Variants in NCKAP5 observed in about 807,000 individuals in gnomAD.
NCKAP5 encodes NCK associated protein 5.
NCKAP5 carries 92 observed loss-of-function variants against 167.0 expected under a neutral mutation model. The ratio of observed to expected loss-of-function variants is 0.55; its 90% CI spans 0.47 to 0.66. NCKAP5 has a LOEUF of 0.66. NCKAP5 is among the 30% of genes least tolerant of loss of function. The pLI is 0.00. For missense variants in NCKAP5, 2,378 were observed against 2,315.0 expected (o/e 1.03, Z -0.56); for synonymous variants, 891 against 877.4 (o/e 1.02, Z -0.27).
the NCKAP5 span, among the ~76,000 whole-genome samples, chr2:133,581,022 G>T: frequency 6.6e-6 from 1 of 151,940 alleles, no homozygotes; most frequent in African/African-American, 2.4e-5. Context: ...TTTTTAATAT[G>T]ACTTAAGTAA....
chr2:133,343,250 C>T lies in NCKAP5; in HGVS notation c.70-40140G>A, dbSNP rs112929990. On this transcript the variant is annotated intron_variant, in intron 3 of 19. Transcript: ENST00000409261. ...TGCAATGTGATGTAGTATCAGCATA[C>T]TATTCATTGCATATGTTTCCCAGGG... Among the ~76,000 whole-genome samples, 155 of 152,198 alleles carry T rather than the reference C, an allele frequency of 1.0e-3. 2 individuals are homozygous for T. The highest frequency in any genetic ancestry group is 3.6e-3 in the African/African-American group (149 of 41,520).
chr2:132,987,130 A>G (rs964918887), intron 7 of NCKAP5, among the ~76,000 whole-genome samples: 1 of 152,288 alleles, frequency 6.6e-6, no homozygotes, highest in South Asian at 2.1e-4. Flanking sequence ...CAGCCACTAG[A>G]CCACCCTGTA....
intron 8 of NCKAP5, among the ~76,000 whole-genome samples, chr2:132,937,963 ATACAT>A: frequency 6.6e-6 from 1 of 152,344 alleles, no homozygotes; most frequent in African/African-American, 2.4e-5. Context: ...GGACCCTCTG[ATACAT>A]TACATGTTGA....
intron 4 of NCKAP5, among the ~76,000 whole-genome samples, chr2:133,258,708 T>C (rs767227891): frequency 1.8e-4 from 27 of 151,100 alleles, no homozygotes; most frequent in Non-Finnish European, 3.7e-4. Context: ...ATTGTGCCAC[T>C]GCATTTTAGC....
chr2:133,458,762 A>G (rs2151222944), intron 3 of NCKAP5, among the ~76,000 whole-genome samples: 1 of 152,310 alleles, frequency 6.6e-6, no homozygotes, highest in African/African-American at 2.4e-5. Context: ...GGGGATGAAG[A>G]GGAGGCTGAT....
In NCKAP5 at chr2:132,785,553, C is replaced by T; in HGVS notation, c.1258G>A (p.Val420Met). 1 of 1,602,796 alleles carries T rather than the reference C, an allele frequency of 6.2e-7. No homozygotes were observed. The highest frequency in any genetic ancestry group is 8.5e-7 in the Non-Finnish European group (1 of 1,174,618). The stretch of plus-strand genomic sequence containing the variant: ...TCTTTATAACCCCATTTGGTTATCA[C>T]TGATGGGGGTTCAAGTAACACTTTT... ...KRKVLLEPPS[V>M]ITKWGYKDCM... is the part of the protein sequence containing the mutation. Residue 420 changes from valine (V) to methionine (M), a missense_variant, in exon 14 of 20, where the codon GTG (valine) becomes ATG (methionine). Physicochemically the swap from Val to Met is conservative, Grantham distance 21 (BLOSUM62 1). This residue lies in a region of NCKAP5 where 1,049 missense variants were observed against 1,023.4 expected (regional missense o/e 1.02). Transcript: ENST00000409261.
intron 4 of NCKAP5, among the ~76,000 whole-genome samples, chr2:133,215,317 C>A (rs1202990208): frequency 2.0e-5 from 3 of 152,178 alleles, no homozygotes; most frequent in East Asian, 1.9e-4. Context: ...TGAATGAATT[C>A]TGTTTTAATA....
chr2:133,261,655 T>C (rs1231612586), intron 4 of NCKAP5, among the ~76,000 whole-genome samples: 2 of 152,220 alleles, frequency 1.3e-5, no homozygotes, highest in African/African-American at 4.8e-5. Flanking sequence ...AAGCATTTGA[T>C]GAATTTAATG....
rs1168073956 is a variant in NCKAP5 at position 133,053,258 on chromosome 2, G to C, written c.342-59019C>G. Among the ~76,000 whole-genome samples the C allele has an allele frequency of 3.3e-5, 5 of 152,248 alleles. No individual in the cohort carries two copies. The East Asian group carries it at 9.7e-4, about 29-fold the overall frequency. ...CCAATAGCTTTAGTTTTCATGATTA[G>C]AATAACACTGTCCAGAAAGAAAGAT... On this transcript the variant is annotated intron_variant, in intron 6 of 19. Coordinates refer to ENST00000409261, the MANE Select transcript of NCKAP5 (RefSeq NM_207363.3).
intron 11 of NCKAP5, among the ~76,000 whole-genome samples, chr2:132,850,261 C>G (rs1688974538): frequency 2.0e-5 from 3 of 152,034 alleles, no homozygotes; most frequent in Non-Finnish European, 4.4e-5. Flanking sequence ...TTTGATTTTT[C>G]CAAGGTGTAG....
chr2:132,812,468 C>T (rs995860397), intron 11 of NCKAP5, among the ~76,000 whole-genome samples: 3 of 152,182 alleles, frequency 2.0e-5, no homozygotes, highest in Admixed American at 6.5e-5. Flanking sequence ...TATGGCACCT[C>T]ATTCTCTGCC....
At chr2:133,205,713 C>T (rs1409431215) in intron 5 of NCKAP5, among the ~76,000 whole-genome samples, 1 of 152,074 alleles carries the variant, frequency 6.6e-6, no homozygotes, top group African/African-American at 2.4e-5. Context: ...TGGGGGTAAG[C>T]TGATATCTTT....
chr2:133,142,441 C>A (rs571923184), intron 5 of NCKAP5, among the ~76,000 whole-genome samples: 1 of 152,164 alleles, frequency 6.6e-6, no homozygotes, highest in Admixed American at 6.6e-5. Flanking sequence ...ATCATGACTG[C>A]AGGTCTTTTG....
At chr2:132,881,821 A>T (rs970276476) in intron 8 of NCKAP5, among the ~76,000 whole-genome samples, 4 of 152,044 alleles carry the variant, frequency 2.6e-5, no homozygotes, top group African/African-American at 9.7e-5. Context: ...TTAATAAGTA[A>T]TTTGTGGGGA....
intron 6 of NCKAP5, among the ~76,000 whole-genome samples, chr2:133,058,569 A>G (rs1037432323): frequency 6.6e-6 from 1 of 152,224 alleles, no homozygotes; most frequent in Non-Finnish European, 1.5e-5. Context: ...CTAGAAGTGA[A>G]GCCTGAAGAT....
Position 132,783,597 on chromosome 2 carries a change from T to G in NCKAP5, c.3214A>C (p.Thr1072Pro). 2.5e-6 allele frequency: 4 copies of G among 1,613,834 alleles called. No homozygotes were observed. Among genetic ancestry groups the G allele is most frequent in the Non-Finnish European group, 3.4e-6 (4 of 1,179,874 alleles). The part of the protein sequence containing the change: ...GLQTPRISPS[T>P]HEPLEMTSSK... ...GACGTCATTTCCAGTGGCTCATGGG[T>G]TGAAGGAGAGATCCTGGGAGTCTGT... Residue 1072 changes from threonine to proline, a missense_variant, in exon 14 of 20, where the codon ACC (threonine) becomes CCC (proline). This residue lies in a region of NCKAP5 where 1,325 missense variants were observed against 1,274.5 expected (regional missense o/e 1.04). Coordinates refer to ENST00000409261, the MANE Select transcript of NCKAP5 (RefSeq NM_207363.3).
chr2:133,395,510 TTTA>T (rs2151003539), intron 3 of NCKAP5, among the ~76,000 whole-genome samples: 2 of 152,326 alleles, frequency 1.3e-5, no homozygotes, highest in African/African-American at 4.8e-5. Flanking sequence ...AAGTTGTGTA[TTTA>T]AATATTTTGA....
intron 3 of NCKAP5, among the ~76,000 whole-genome samples, chr2:133,477,686 G>A (rs1381730106): frequency 2.0e-5 from 3 of 152,044 alleles, no homozygotes; most frequent in South Asian, 2.1e-4. Context: ...ATGTGAATGT[G>A]GTCTCTCTCA....
At chr2:133,604,245 G>A in the NCKAP5 span, among the ~76,000 whole-genome samples, 40 of 152,110 alleles carry the variant, frequency 2.6e-4, no homozygotes, top group South Asian at 6.3e-4. Flanking sequence ...TCGCTCTGTC[G>A]CCCAGGCTGG....
Sources: gnomAD v4.1 joint callset for allele counts (sites outside exome capture counted in the v4.1 genomes callset) on GRCh38, gnomAD v4.1.1 for gene constraint, gnomAD v4.1.1 regional missense constraint, MANE v1.5 for transcripts, NCBI Gene and HGNC (gene_info 2026-07-23, HGNC 2026-07-21) for gene names.